MYL6: variants seen among roughly 807,000 people sequenced by gnomAD.
MYL6 encodes the protein myosin light chain 6.
A neutral mutation model predicts 20.3 loss-of-function variants in MYL6; 20 were observed. The ratio of observed to expected loss-of-function variants is 0.98; its 90% CI spans 0.69 to 1.43. MYL6 has a LOEUF of 1.43. Ranked by LOEUF, MYL6 falls within the 40% of genes most tolerant of loss-of-function variation. The pLI is 0.00. For synonymous variants in MYL6, 77 were observed against 72.4 expected (o/e 1.06, Z -0.32); for missense variants, 164 against 191.0 (o/e 0.86, Z 0.83).
At chr12:56,159,808 A>C in intron 3 of MYL6, 78 bp downstream of exon 3, 6 of 1,549,802 alleles carry the variant, frequency 3.9e-6, no homozygotes, top group Non-Finnish European at 5.2e-6. Context: ...CTTTATCTTC[A>C]TAGGCCCCAA....
In MYL6 at chr12:56,159,720, C is replaced by T. The variant is rs1328155194; in HGVS notation, c.165C>T (p.Pro55=). Residue 55 remains proline, a synonymous_variant, in exon 3 of 7, where the codon CCC becomes CCT. Transcript: ENST00000550697. ...AGGTGCTCAAGGTCCTGGGGAACCC[C>T]AAGAGTGATGGTGAGGGGCCTAAAG... ...NAEVLKVLGN[P]KSDEMNVKVL... is the part of the protein sequence containing the mutation. 3.5e-5 allele frequency: 56 copies of T among 1,613,770 alleles called. No individual in the cohort carries two copies. The highest frequency in any genetic ancestry group is 4.5e-5 in the Non-Finnish European group (53 of 1,179,872).
At chr12:56,159,261 C>T (rs1436772820) in intron 2 of MYL6, 5 of 322,932 alleles carry the variant, frequency 1.5e-5, no homozygotes, top group Non-Finnish European at 2.9e-5. Context: ...CTCCCACTTC[C>T]TTATAAGGAC....
chr12:56,159,462 G>T, intron 2 of MYL6, 125 bp from the exon 3 acceptor site: 1 of 1,274,048 alleles, frequency 7.8e-7, no homozygotes, highest in Non-Finnish European at 1.1e-6. Flanking sequence ...AGTAGACTTT[G>T]GTGTACAGTT....
At chr12:56,160,389 C>G (rs1447284640) in intron 5 of MYL6, 69 bp downstream of exon 5, 2 of 1,589,116 alleles carry the variant, frequency 1.3e-6, no homozygotes, top group Non-Finnish European at 1.7e-6. Flanking sequence ...GTGTCTGGGG[C>G]TTTCCCTATC....
In MYL6 at chr12:56,161,199, T is replaced by C. The variant is rs892600637; in HGVS notation, c.*17-188T>C. On this transcript the variant is annotated intron_variant, in intron 6 of 6. Transcript: ENST00000550697. ...GTTTGGGTGGGGGACTAACAGCTGC[T>C]GGGAGGGGAGCTAGGGGCATGGAGA... is the stretch of plus-strand genomic sequence containing the variant. 4 of 662,250 alleles carry C rather than the reference T, an allele frequency of 6.0e-6. No homozygotes were observed. The African/African-American group carries it at 7.1e-5, about 12-fold the overall frequency. 41.0% of individuals were successfully genotyped at this position (662,250 alleles called of 1,614,324 possible).
In MYL6 at chr12:56,160,648, G is replaced by A. The variant is rs199626813; in HGVS notation, c.450G>A (p.Ser150=). 1,140 of 1,614,118 alleles carry A rather than the reference G, an allele frequency of 7.1e-4. 20 individuals carry two copies. The South Asian group carries it at 0.011, about 16-fold the overall frequency. ...NYEAFVRHIL[S]G ...CAGCGTTTGTGAGGCATATCCTGTC[G>A]GGGTGACGGGCCCATGGGGCGGGTA... Residue 150 remains serine, a synonymous_variant, in exon 6 of 7, where the codon TCG becomes TCA. Coordinates refer to ENST00000550697, the MANE Select transcript of MYL6 (RefSeq NM_021019.5).
In MYL6 at chr12:56,158,371, G is replaced by A. The variant is rs775845140; in HGVS notation, c.-31G>A. 3.7e-5 allele frequency: 56 copies of A among 1,517,532 alleles called. No individual in the cohort carries two copies. Among genetic ancestry groups the A allele is most frequent in the Non-Finnish European group, 4.8e-5 (55 of 1,135,782 alleles). 94.0% of individuals were successfully genotyped at this position (1,517,532 alleles called of 1,614,324 possible). On this transcript the variant is annotated 5_prime_UTR_variant, in exon 1 of 7. Transcript: ENST00000550697. Reference sequence around the variant, plus strand: ...GCCGAGAGTCGGAGCCATTACTGCAGGAAAAGGTCCCGGAGAGCTGAGCAG... The same window carrying A: ...GCCGAGAGTCGGAGCCATTACTGCAAGAAAAGGTCCCGGAGAGCTGAGCAG...
chr12:56,161,114 G>C, intron 6 of MYL6: 1 of 592,674 alleles, frequency 1.7e-6, no homozygotes, highest in Non-Finnish European at 3.0e-6. Flanking sequence ...GCCAGTGGCT[G>C]ACAGTAGCTG....
chr12:56,160,641 T>C lies in MYL6; in HGVS notation c.443T>C (p.Ile148Thr), dbSNP rs767980073. 4 of 1,614,048 alleles carry C rather than the reference T, an allele frequency of 2.5e-6. No homozygotes were observed. Among genetic ancestry groups the C allele is most frequent in the Non-Finnish European group, 3.4e-6 (4 of 1,180,008 alleles). Residue 148 changes from isoleucine to threonine, a missense_variant, in exon 6 of 7, where the codon ATC (isoleucine) becomes ACC (threonine). Coordinates refer to ENST00000550697, the MANE Select transcript of MYL6 (RefSeq NM_021019.5). ...CINYEAFVRHILSG is the reference protein window; with the variant it reads ...CINYEAFVRHTLSG ...CTTCCTGCAGCGTTTGTGAGGCATATCCTGTCGGGGTGACGGGCCCATGGG... is the reference window on the plus strand; with the variant it reads ...CTTCCTGCAGCGTTTGTGAGGCATACCCTGTCGGGGTGACGGGCCCATGGG...
intron 2 of MYL6, 23 bp downstream of exon 2, chr12:56,158,734 C>G: frequency 1.2e-6 from 2 of 1,613,460 alleles, no homozygotes; most frequent in Non-Finnish European, 1.7e-6. Flanking sequence ...TGATCCCTAC[C>G]GAGGTCACCC....
chr12:56,158,528 T>C (rs1183035166), intron 1 of MYL6, 124 bp downstream of exon 1: 7 of 1,604,118 alleles, frequency 4.4e-6, no homozygotes, highest in Non-Finnish European at 6.0e-6. Context: ...AGGTTGGAGG[T>C]GGGGTTGGAA....
intron 6 of MYL6, 96 bp downstream of exon 6, chr12:56,160,766 A>C: frequency 7.5e-7 from 1 of 1,337,412 alleles, no homozygotes; most frequent in South Asian, 1.3e-5. Flanking sequence ...CCCTACTACC[A>C]TCTGACTTCC....
At position 56,160,315 on chromosome 12, in the gene MYL6, A is replaced by G. The variant is rs1360363088; in HGVS notation, c.422A>G (p.Tyr141Cys). The change falls in exon 5 of 7, where the codon TAT (tyrosine) becomes TGT (cysteine). Residue 141 changes from tyrosine (Y) to cysteine (C), a missense_variant. Coordinates refer to ENST00000550697, the MANE Select transcript of MYL6 (RefSeq NM_021019.5). ...GAGGACAGCAATGGTTGTATCAACT[A>G]TGAAGGTAAGAGGTGAACTGCGCTT... ...GHEDSNGCINYEAFVRHILSG is the reference protein window; with the variant it reads ...GHEDSNGCINCEAFVRHILSG 6.2e-7 allele frequency: 1 copy of G among 1,614,220 alleles called. No individual in the cohort carries two copies. The highest frequency in any genetic ancestry group is 8.5e-7 in the Non-Finnish European group (1 of 1,180,048).
rs1871737122 is a variant in MYL6, at chr12:56,160,676, G to T, written c.*16+6G>T. 6.2e-7 allele frequency: 1 copy of T among 1,613,880 alleles called. No homozygotes were observed. On this transcript the variant is annotated splice_donor_region_variant and intron_variant, in intron 6 of 6. Coordinates refer to ENST00000550697, the MANE Select transcript of MYL6 (RefSeq NM_021019.5). ...GTGACGGGCCCATGGGGCGGGTACGGCTCCTCCCAGCCTCTCCTCTAGTTG... is the reference window on the plus strand; with the variant it reads ...GTGACGGGCCCATGGGGCGGGTACGTCTCCTCCCAGCCTCTCCTCTAGTTG...
At chr12:56,158,476 A>T in intron 1 of MYL6, 72 bp downstream of exon 1, 3 of 1,566,202 alleles carry the variant, frequency 1.9e-6, no homozygotes, top group Non-Finnish European at 2.6e-6. Context: ...GGGGGCGAGG[A>T]GAAGGCAGGG....
rs767193554 is a variant in MYL6 at position 56,161,465 on chromosome 12, G to A, written c.*95G>A. On this transcript the variant is annotated 3_prime_UTR_variant, in exon 7 of 7. Coordinates refer to ENST00000550697, the MANE Select transcript of MYL6 (RefSeq NM_021019.5). ...CCGTGCCTTTCCCTGTGTGAATTTT[G>A]TATCTAGCCTAAAGTTTCCCTAGGC... The A allele has an allele frequency of 1.9e-6, 3 of 1,604,124 alleles. No individual in the cohort carries two copies. Among genetic ancestry groups the A allele is most frequent in the South Asian group, 2.2e-5 (2 of 90,864 alleles).
Position 56,159,730 on chromosome 12 carries a change from G to T in MYL6, c.175G>T (p.Glu59Ter). The T allele has an allele frequency of 6.2e-7, 1 of 1,613,372 alleles. No homozygotes were observed. The highest frequency in any genetic ancestry group is 8.5e-7 in the Non-Finnish European group (1 of 1,179,608). ...LKVLGNPKSD[E>*]MNVKVLDFEH... Reference sequence around the variant, plus strand: ...GGTCCTGGGGAACCCCAAGAGTGATGGTGAGGGGCCTAAAGAACAACTCCT... The same window carrying T: ...GGTCCTGGGGAACCCCAAGAGTGATTGTGAGGGGCCTAAAGAACAACTCCT... Residue 59 changes from glutamate (E) to a stop codon, truncating the protein, a stop_gained and splice_region_variant, in exon 3 of 7, where the codon GAG (glutamate) becomes TAG (stop). Coordinates refer to ENST00000550697, the MANE Select transcript of MYL6 (RefSeq NM_021019.5). LOFTEE classifies it high-confidence loss of function.
intron 1 of MYL6, 63 bp downstream of exon 1, chr12:56,158,467 G>A (rs1209295078): frequency 6.4e-7 from 1 of 1,563,736 alleles, no homozygotes; most frequent in Non-Finnish European, 8.7e-7. Context: ...AGACGGGTGG[G>A]GGGCGAGGAG....
Position 56,159,579 on chromosome 12 carries a change from A to T in MYL6, c.32-8A>T, listed in dbSNP as rs1380056233. The T allele has an allele frequency of 1.2e-6, 2 of 1,612,332 alleles. No homozygotes were observed. The highest frequency in any genetic ancestry group is 1.7e-6 in the Non-Finnish European group (2 of 1,179,430). ...AAATCCTGTGTTGACATTCATCTGAATCCTCAGAGTTCAAGGAGGCCTTCC... is the reference window on the plus strand; with the variant it reads ...AAATCCTGTGTTGACATTCATCTGATTCCTCAGAGTTCAAGGAGGCCTTCC... On this transcript the variant is annotated splice_polypyrimidine_tract_variant and splice_region_variant and intron_variant, in intron 2 of 6. Transcript: ENST00000550697.
Sources: allele counts gnomAD v4.1 joint callset, GRCh38; gene constraint gnomAD v4.1.1; transcripts MANE v1.5; gene names NCBI Gene and HGNC (gene_info 2026-07-23, HGNC 2026-07-21).